Variants in PLCE1 observed in about 807,000 individuals in gnomAD.
PLCE1 encodes phospholipase C epsilon 1.
In PLCE1, 119 loss-of-function variants were observed where a neutral mutation model predicts 242.8. The ratio of observed to expected loss-of-function variants is 0.49; its 90% CI spans 0.42 to 0.57. The LOEUF (loss-of-function observed/expected upper bound fraction) is 0.57. Ranked by LOEUF, PLCE1 falls within the 20% of genes least tolerant of loss-of-function variation. PLCE1 has a pLI of 0.00. For synonymous variants in PLCE1, 945 were observed against 1,017.4 expected, an observed-to-expected ratio of 0.93 and a Z score of 1.35; for missense variants, 2,441 against 2,788.8, an observed-to-expected ratio of 0.88 and a Z score of 2.81.
At position 94,015,197 on chromosome 10, in the gene PLCE1, T is replaced by C. The variant is rs140402576; in HGVS notation, c.-364-15486T>C. Reference sequence around the variant, plus strand: ...GGTCATGGAGTCAGAGGTCTTGATATAGTATAGGGGCTGCTGTGTGCAAGG... The same window carrying C: ...GGTCATGGAGTCAGAGGTCTTGATACAGTATAGGGGCTGCTGTGTGCAAGG... On this transcript the variant is annotated intron_variant, in intron 1 of 32. Coordinates refer to ENST00000371380, the MANE Select transcript of PLCE1 (RefSeq NM_016341.4). Among the ~76,000 whole-genome samples, 803 of 152,304 alleles carry C rather than the reference T, an allele frequency of 5.3e-3. 4 individuals carry two copies. Among genetic ancestry groups the C allele is most frequent in the African/African-American group, 0.018 (753 of 41,558 alleles).
chr10:94,055,977 A>G (rs999593291), intron 2 of PLCE1, among the ~76,000 whole-genome samples: 2 of 152,162 alleles, frequency 1.3e-5, no homozygotes, highest in Admixed American at 6.5e-5. Flanking sequence ...TCGTATGTTA[A>G]TTTGAATGGT....
chr10:94,096,008 G>A (rs2045294004), intron 2 of PLCE1, among the ~76,000 whole-genome samples: 1 of 152,084 alleles, frequency 6.6e-6, no homozygotes, highest in Non-Finnish European at 1.5e-5. Context: ...CTGTTATTGG[G>A]GGCTTCTTGT....
At chr10:94,269,158 G>A (rs891846674) in intron 17 of PLCE1, 122 bp downstream of exon 17, 1 of 582,188 alleles carries the variant, frequency 1.7e-6, no homozygotes, top group Non-Finnish European at 3.0e-6. Context: ...CTGGAGTAGA[G>A]TGGTACCATC....
chr10:94,253,713 C>A (rs750867861), intron 9 of PLCE1, among the ~76,000 whole-genome samples: 1 of 152,196 alleles, frequency 6.6e-6, no homozygotes, highest in South Asian at 2.1e-4. Flanking sequence ...CACTCATCAC[C>A]AAGGGAATGA....
At chr10:94,041,445 T>A (rs1252390380) in intron 2 of PLCE1, among the ~76,000 whole-genome samples, 1 of 152,134 alleles carries the variant, frequency 6.6e-6, no homozygotes, top group Non-Finnish European at 1.5e-5. Flanking sequence ...ATGCTTGTCA[T>A]CTCCCCAGAC....
intron 2 of PLCE1, among the ~76,000 whole-genome samples, chr10:94,121,847 G>A (rs1012091134): frequency 8.5e-5 from 13 of 152,212 alleles, no homozygotes; most frequent in Non-Finnish European, 1.9e-4. Flanking sequence ...GCAGACAGGA[G>A]GTTAAGAGAA....
intron 1 of PLCE1, among the ~76,000 whole-genome samples, chr10:94,011,905 G>C (rs901693792): frequency 2.6e-5 from 4 of 151,988 alleles, no homozygotes; most frequent in Non-Finnish European, 5.9e-5. Context: ...TATCATACCA[G>C]GTGACCAAAT....
intron 2 of PLCE1, among the ~76,000 whole-genome samples, chr10:94,049,249 T>C (rs1167514307): frequency 6.6e-6 from 1 of 152,206 alleles, no homozygotes; most frequent in Non-Finnish European, 1.5e-5. Context: ...CTACCTAAAG[T>C]CTAAGATATT....
At chr10:94,226,235 AACGAATC>A (rs1376735318) in intron 4 of PLCE1, among the ~76,000 whole-genome samples, 1 of 152,214 alleles carries the variant, frequency 6.6e-6, no homozygotes, top group Non-Finnish European at 1.5e-5. Context: ...TAGCAGGAAA[AACGAATC>A]ACATTAGAAT....
At chr10:94,198,138 A>T (rs1302072948) in intron 4 of PLCE1, among the ~76,000 whole-genome samples, 2 of 151,894 alleles carry the variant, frequency 1.3e-5, no homozygotes, top group African/African-American at 4.8e-5. Flanking sequence ...GTCTTTGACT[A>T]TGAATGTATA....
chr10:94,190,558 A>G (rs1469983784), intron 4 of PLCE1, among the ~76,000 whole-genome samples: 2 of 152,296 alleles, frequency 1.3e-5, no homozygotes, highest in East Asian at 3.9e-4. Context: ...ATGAGCTAGG[A>G]TTGTTCCACT....
At position 94,031,248 on chromosome 10, in the gene PLCE1, A is replaced by C. The variant is rs746652821; in HGVS notation, c.202A>C (p.Asn68His). The stretch of plus-strand genomic sequence containing the variant: ...ACTTAAAGAAGAACCTTCTGGAAGC[A>C]ACTTGCCAAAGATTCTCTCAATAGC... The part of the protein sequence containing the change: ...NKLKEEPSGS[N>H]LPKILSIARE... Residue 68 changes from asparagine to histidine, a missense_variant, in exon 2 of 33, where the codon AAC (asparagine) becomes CAC (histidine). Asn to His is a moderately conservative substitution (Grantham distance 68). This residue lies in a region of PLCE1 where 393 missense variants were observed against 378.5 expected (regional missense o/e 1.04). Coordinates refer to ENST00000371380, the MANE Select transcript of PLCE1 (RefSeq NM_016341.4). The C allele has an allele frequency of 6.2e-6, 10 of 1,613,772 alleles. No homozygotes were observed. The highest frequency in any genetic ancestry group is 8.5e-6 in the Non-Finnish European group (10 of 1,179,880).
chr10:94,248,396 T>A (rs1490477825), intron 8 of PLCE1, among the ~76,000 whole-genome samples: 2 of 151,904 alleles, frequency 1.3e-5, no homozygotes, highest in African/African-American at 4.8e-5. Context: ...AGGTCAGGAG[T>A]TCGAGACCAG....
At chr10:94,314,119 G>T (rs887253749) in intron 28 of PLCE1, among the ~76,000 whole-genome samples, 14 of 152,190 alleles carry the variant, frequency 9.2e-5, no homozygotes, top group African/African-American at 2.9e-4. Context: ...TCCATGGGGG[G>T]ACTTCTAAGA....
chr10:94,029,895 C>T (rs2061523932), intron 1 of PLCE1, among the ~76,000 whole-genome samples: 1 of 152,174 alleles, frequency 6.6e-6, no homozygotes. Context: ...TGGGCACCTT[C>T]TAGTCCTATA....
intron 2 of PLCE1, among the ~76,000 whole-genome samples, chr10:94,054,838 C>T (rs1403582805): frequency 6.6e-6 from 1 of 151,900 alleles, no homozygotes; most frequent in African/African-American, 2.4e-5. Context: ...CCTTGAAACC[C>T]CATCTCTACT....
intron 4 of PLCE1, among the ~76,000 whole-genome samples, chr10:94,212,464 G>A (rs750729453): frequency 4.6e-5 from 7 of 152,148 alleles, no homozygotes; most frequent in African/African-American, 7.2e-5. Context: ...CACCGTGTTA[G>A]CCAGGATGGT....
Position 94,316,590 on chromosome 10 carries a change from A to T in PLCE1, c.6176A>T (p.Tyr2059Phe), listed in dbSNP as rs199907181. The stretch of plus-strand genomic sequence containing the variant: ...GACATCAAACCTGTTACCACAGACT[A>T]TTTTTTGATGGAAGAAAAATATTTT... ...EQDIKPVTTD[Y>F]FLMEEKYFIS... Residue 2059 changes from tyrosine to phenylalanine, a missense_variant, in exon 29 of 33, where the codon TAT becomes TTT. Tyr to Phe is a conservative substitution (Grantham distance 22). This residue lies in a region of PLCE1 where 310 missense variants were observed against 317.2 expected (regional missense o/e 0.98). Transcript: ENST00000371380. 2 of 1,609,644 alleles carry T rather than the reference A, an allele frequency of 1.2e-6. No homozygotes were observed. Among genetic ancestry groups the T allele is most frequent in the Non-Finnish European group, 1.7e-6 (2 of 1,176,870 alleles).
intron 7 of PLCE1, among the ~76,000 whole-genome samples, chr10:94,244,503 C>G (rs1289049725): frequency 6.6e-6 from 1 of 152,210 alleles, no homozygotes; most frequent in Non-Finnish European, 1.5e-5. Context: ...TCACTGTTCT[C>G]TGATCCTCTT....
Sources: gnomAD v4.1 joint callset for allele counts (sites outside exome capture counted in the v4.1 genomes callset) on GRCh38, gnomAD v4.1.1 for gene constraint, gnomAD v4.1.1 regional missense constraint, MANE v1.5 for transcripts, NCBI Gene and HGNC (gene_info 2026-07-23, HGNC 2026-07-21) for gene names.